The following INTS9 variants were observed in gnomAD, a reference collection of about 807,000 sequenced individuals.
INTS9 encodes the protein protein related to CPSF subunits of 74 kDa.
INTS9 carries 55 observed loss-of-function variants against 79.7 expected under a neutral mutation model. The ratio of observed to expected loss-of-function variants is 0.69; its 90% confidence interval spans 0.56 to 0.86. The LOEUF is 0.86. INTS9 is among the 40% of genes least tolerant of loss of function. INTS9 has a pLI of 0.00. For synonymous variants in INTS9, 319 were observed against 325.2 expected, an observed-to-expected ratio of 0.98 and a Z score of 0.20; for missense variants, 721 against 831.5, an observed-to-expected ratio of 0.87 and a Z score of 1.64.
intron 10 of INTS9, among the ~76,000 whole-genome samples, chr8:28,792,582 C>G (rs1803977454): frequency 6.6e-6 from 1 of 151,852 alleles, no homozygotes; most frequent in Admixed American, 6.6e-5. Context: ...AAAACTGGTG[C>G]AATCAGAATA....
chr8:28,787,674 C>G (rs1430722104), intron 11 of INTS9, among the ~76,000 whole-genome samples, 155 bp downstream of exon 11: 1 of 151,752 alleles, frequency 6.6e-6, no homozygotes, highest in Non-Finnish European at 1.5e-5. Context: ...GCAAGTGAAG[C>G]TTGAGTTAAA....
intron 1 of INTS9, among the ~76,000 whole-genome samples, chr8:28,878,583 A>G (rs1432408849): frequency 6.6e-6 from 1 of 151,252 alleles, no homozygotes; most frequent in Non-Finnish European, 1.5e-5. Context: ...TGGCCTCCCA[A>G]AGTGCTGGGA....
At chr8:28,807,792 C>T (rs1185644761) in intron 8 of INTS9, among the ~76,000 whole-genome samples, 2 of 152,126 alleles carry the variant, frequency 1.3e-5, no homozygotes, top group Non-Finnish European at 2.9e-5. Flanking sequence ...AAAAGCTTTC[C>T]TTTTACAGCC....
chr8:28,850,088 T>C, intron 3 of INTS9, 125 bp downstream of exon 3: 1 of 656,372 alleles, frequency 1.5e-6, no homozygotes, highest in East Asian at 2.6e-5. Context: ...GCATAGATCT[T>C]GGGGATTTTC....
intron 10 of INTS9, among the ~76,000 whole-genome samples, chr8:28,791,960 T>C (rs1233171427): frequency 1.3e-5 from 2 of 152,182 alleles, no homozygotes; most frequent in Non-Finnish European, 2.9e-5. Context: ...ACTGATACAG[T>C]GATTCCACAA....
At chr8:28,851,285 G>A (rs985705588) in intron 2 of INTS9, among the ~76,000 whole-genome samples, 1 of 151,998 alleles carries the variant, frequency 6.6e-6, no homozygotes, top group African/African-American at 2.4e-5. Flanking sequence ...GTAATTAGAT[G>A]ATAGGTATGA....
intron 14 of INTS9, among the ~76,000 whole-genome samples, chr8:28,773,469 A>C (rs1802684128): frequency 1.3e-5 from 2 of 151,606 alleles, no homozygotes; most frequent in Admixed American, 1.3e-4. Flanking sequence ...GTCTCAAAAA[A>C]AAAAAAAAAA....
At chr8:28,788,530 T>C (rs775231534) in intron 10 of INTS9, among the ~76,000 whole-genome samples, 2 of 152,218 alleles carry the variant, frequency 1.3e-5, no homozygotes, top group South Asian at 2.1e-4. Flanking sequence ...GTGGTTCTCC[T>C]GCCAAAGCCT....
intron 4 of INTS9, among the ~76,000 whole-genome samples, chr8:28,838,187 G>C (rs1806926619): frequency 6.6e-6 from 1 of 151,940 alleles, no homozygotes; most frequent in South Asian, 2.1e-4. Flanking sequence ...TGGGCAACGG[G>C]GACGCAGCAC....
intron 8 of INTS9, among the ~76,000 whole-genome samples, chr8:28,806,815 C>T (rs1000891708): frequency 6.6e-6 from 1 of 152,140 alleles, no homozygotes; most frequent in African/African-American, 2.4e-5. Context: ...AAAATTATGA[C>T]ATACTTAGAG....
intron 7 of INTS9, among the ~76,000 whole-genome samples, chr8:28,813,265 CG>C (rs1240793904): frequency 2.0e-5 from 3 of 152,112 alleles, no homozygotes; most frequent in Non-Finnish European, 4.4e-5. Context: ...CGCCTTTCTC[CG>C]GACTCCCTGC....
At chr8:28,855,513 T>C (rs921420273) in intron 2 of INTS9, among the ~76,000 whole-genome samples, 9 of 152,200 alleles carry the variant, frequency 5.9e-5, no homozygotes, top group African/African-American at 2.2e-4. Flanking sequence ...GAGGGAACAT[T>C]AGACAAACCC....
intron 1 of INTS9, 51 bp downstream of exon 1, chr8:28,889,823 C>T: frequency 6.2e-7 from 1 of 1,607,216 alleles, no homozygotes; most frequent in Non-Finnish European, 8.5e-7. Context: ...AAAAGAGGTC[C>T]AAAAGGTTAT....
chr8:28,835,436 T>G, intron 5 of INTS9, 58 bp from the exon 6 acceptor site: 1 of 1,251,404 alleles, frequency 8.0e-7, no homozygotes. Flanking sequence ...AAACACCCCA[T>G]ACTCTAACAG....
chr8:28,807,945 T>C (rs1804900505), intron 8 of INTS9, among the ~76,000 whole-genome samples: 1 of 152,192 alleles, frequency 6.6e-6, no homozygotes, highest in South Asian at 2.1e-4. Flanking sequence ...ATAATATCAA[T>C]AGATTATTAG....
intron 1 of INTS9, among the ~76,000 whole-genome samples, chr8:28,879,679 G>C (rs1809589893): frequency 6.6e-6 from 1 of 152,136 alleles, no homozygotes; most frequent in Non-Finnish European, 1.5e-5. Flanking sequence ...CCATCACCTG[G>C]TGCAGGAATA....
intron 2 of INTS9, among the ~76,000 whole-genome samples, chr8:28,850,740 C>T (rs1256903671): frequency 6.6e-6 from 1 of 152,144 alleles, no homozygotes; most frequent in African/African-American, 2.4e-5. Context: ...ACACGAATAC[C>T]CGAATTCCAG....
chr8:28,775,720 G>A, intron 14 of INTS9, 39 bp downstream of exon 14: 2 of 1,602,414 alleles, frequency 1.2e-6, no homozygotes, highest in Non-Finnish European at 1.7e-6. Context: ...AGCCTCTGTG[G>A]AAAGCTCTAG....
At position 28,814,110 on chromosome 8, in the gene INTS9, G is replaced by A. The variant is rs908245380; in HGVS notation, c.489-498C>T. ...AATAGAGACATGGTCTTGCTATGTC[G>A]CCCAAAATGTGTCAACAGAAAAACG... is the stretch of plus-strand genomic sequence containing the variant. On this transcript the variant is annotated intron_variant, in intron 6 of 16. Transcript: ENST00000521022. Among the ~76,000 whole-genome samples the A allele has an allele frequency of 9.3e-5, 14 of 150,132 alleles. No individual in the cohort carries two copies. The East Asian group carries it at 1.2e-3, about 13-fold the overall frequency.
Sources: gnomAD v4.1 joint callset for allele counts (sites outside exome capture counted in the v4.1 genomes callset) on GRCh38, gnomAD v4.1.1 for gene constraint, MANE v1.5 for transcripts, NCBI Gene and HGNC (gene_info 2026-07-23, HGNC 2026-07-21) for gene names.